The following LYPLAL1 variants were observed in gnomAD, a reference collection of about 807,000 sequenced individuals.
The protein encoded by LYPLAL1 is lysophospholipase like 1, also known as lysophospholipase-like protein 1.
LYPLAL1 carries 23 observed loss-of-function variants against 19.7 expected under a neutral mutation model. The ratio of observed to expected loss-of-function variants is 1.17; its 90% CI spans 0.84 to 1.65. LYPLAL1 has a LOEUF of 1.65. Among genes scored for constraint, LYPLAL1 ranks in the 40% most tolerant of loss-of-function variants. The pLI is 0.00. For missense variants in LYPLAL1, 355 were observed against 279.4 expected (o/e 1.27, Z -1.93); for synonymous variants, 119 against 96.3 (o/e 1.24, Z -1.38).
At chr1:219,282,411 G>A in the LYPLAL1 span, among the ~76,000 whole-genome samples, 4 of 151,622 alleles carry the variant, frequency 2.6e-5, no homozygotes, top group Middle Eastern at 6.8e-3. Flanking sequence ...AAAATGAAGG[G>A]GGGATATTAT....
chr1:219,350,476 C>T, the LYPLAL1 span, among the ~76,000 whole-genome samples: 3 of 152,192 alleles, frequency 2.0e-5, no homozygotes, highest in African/African-American at 7.2e-5. Context: ...CTGTGTGAAG[C>T]TACACTGCCT....
the LYPLAL1 span, among the ~76,000 whole-genome samples, chr1:219,412,793 G>A: frequency 6.2e-4 from 95 of 152,180 alleles, no homozygotes; most frequent in Non-Finnish European, 5.4e-4. Context: ...CAGGCAAGAT[G>A]CACAACAAAG....
At chr1:219,392,400 A>G in the LYPLAL1 span, among the ~76,000 whole-genome samples, 1 of 152,206 alleles carries the variant, frequency 6.6e-6, no homozygotes, top group Non-Finnish European at 1.5e-5. Context: ...TTAAAATTTT[A>G]AGTCTCAGAT....
the LYPLAL1 span, among the ~76,000 whole-genome samples, chr1:219,377,916 A>G: frequency 6.6e-6 from 1 of 152,234 alleles, no homozygotes; most frequent in Non-Finnish European, 1.5e-5. Flanking sequence ...TGGCTTTGCC[A>G]TGTGGTCTCT....
the LYPLAL1 span, among the ~76,000 whole-genome samples, chr1:219,392,408 G>T: frequency 6.6e-6 from 1 of 152,134 alleles, no homozygotes; most frequent in African/African-American, 2.4e-5. Context: ...TTAAGTCTCA[G>T]ATTTCTGCTT....
chr1:219,341,013 C>T, the LYPLAL1 span, among the ~76,000 whole-genome samples: 40 of 152,138 alleles, frequency 2.6e-4, no homozygotes, highest in Non-Finnish European at 3.7e-4. Flanking sequence ...CAGCATTTAT[C>T]TTAATGTGCA....
At chr1:219,196,947 A>C (rs1188489573) in intron 3 of LYPLAL1, among the ~76,000 whole-genome samples, 1 of 152,088 alleles carries the variant, frequency 6.6e-6, no homozygotes, top group Non-Finnish European at 1.5e-5. Context: ...GACTTCCTCA[A>C]GGAGAACTAC....
the LYPLAL1 span, among the ~76,000 whole-genome samples, chr1:219,339,216 A>T: frequency 6.6e-6 from 1 of 151,938 alleles, no homozygotes; most frequent in East Asian, 1.9e-4. Flanking sequence ...GTCCCAAAAA[A>T]CAAAAGTCTA....
At chr1:219,439,972 T>TACATATATATATATATATACAC in the LYPLAL1 span, among the ~76,000 whole-genome samples, 26 of 114,066 alleles carry the variant, frequency 2.3e-4, 1 homozygote, top group East Asian at 5.5e-3. Context: ...TATATATATA[T>TACATATATATATATATATACAC]ACATATATAT....
the LYPLAL1 span, among the ~76,000 whole-genome samples, chr1:219,269,918 C>T: frequency 6.6e-6 from 1 of 152,112 alleles, no homozygotes; most frequent in Non-Finnish European, 1.5e-5. Flanking sequence ...TACCAAACTG[C>T]TATTTCCCAG....
chr1:219,393,382 A>G, the LYPLAL1 span, among the ~76,000 whole-genome samples: 5 of 152,096 alleles, frequency 3.3e-5, no homozygotes, highest in African/African-American at 7.2e-5. Context: ...TGGGCTCTGT[A>G]CCTCATATGT....
chr1:219,188,775 A>G (rs1188823598), intron 2 of LYPLAL1, among the ~76,000 whole-genome samples: 1 of 151,566 alleles, frequency 6.6e-6, no homozygotes, highest in Non-Finnish European at 1.5e-5. Context: ...GGAACCACAC[A>G]GATGTTCTTT....
the LYPLAL1 span, among the ~76,000 whole-genome samples, chr1:219,226,519 C>T: frequency 2.0e-5 from 3 of 151,916 alleles, no homozygotes; most frequent in African/African-American, 7.3e-5. Flanking sequence ...CAACACAGCA[C>T]ATCAAATAGA....
At chr1:219,390,008 C>A in the LYPLAL1 span, among the ~76,000 whole-genome samples, 1 of 152,258 alleles carries the variant, frequency 6.6e-6, no homozygotes, top group African/African-American at 2.4e-5. Context: ...CGAATTGCCA[C>A]TTTCTCATCA....
chr1:219,238,595 T>C, the LYPLAL1 span, among the ~76,000 whole-genome samples: 1 of 152,124 alleles, frequency 6.6e-6, no homozygotes. Flanking sequence ...TAGCTAATAA[T>C]CCAGATATAA....
the LYPLAL1 span, among the ~76,000 whole-genome samples, chr1:219,279,077 G>T: frequency 1.3e-5 from 2 of 152,144 alleles, no homozygotes; most frequent in Non-Finnish European, 2.9e-5. Context: ...GAATGCTCCC[G>T]TGTGACTGTC....
At chr1:219,340,778 A>G in the LYPLAL1 span, among the ~76,000 whole-genome samples, 13 of 152,244 alleles carry the variant, frequency 8.5e-5, no homozygotes, top group South Asian at 2.7e-3. Flanking sequence ...GAACATTAAA[A>G]GGATCATCAT....
the LYPLAL1 span, among the ~76,000 whole-genome samples, chr1:219,376,075 A>G: frequency 1.3e-5 from 2 of 152,070 alleles, no homozygotes; most frequent in East Asian, 1.9e-4. Flanking sequence ...CTACAAACCT[A>G]CATTAATCAA....
the LYPLAL1 span, among the ~76,000 whole-genome samples, chr1:219,236,500 T>C: frequency 6.6e-6 from 1 of 152,216 alleles, no homozygotes; most frequent in East Asian, 1.9e-4. Context: ...ATTAAGTCAT[T>C]CAAAACCTTT....
Sources: allele counts gnomAD v4.1 joint callset (sites outside exome capture counted in the v4.1 genomes callset), GRCh38; gene constraint gnomAD v4.1.1; transcripts MANE v1.5; gene names NCBI Gene and HGNC (gene_info 2026-07-23, HGNC 2026-07-21).